Variants in NTNG2 observed in about 807,000 individuals in gnomAD.
NTNG2 encodes netrin-G2.
Under a neutral mutation model 47.6 loss-of-function variants are expected in NTNG2, and 15 were observed. That is an observed-to-expected ratio of 0.32 (90% CI 0.21 to 0.49). The LOEUF is 0.49. Ranked by LOEUF, NTNG2 falls within the 20% of genes least tolerant of loss-of-function variation. The pLI is 0.99. For missense variants in NTNG2, 578 were observed against 764.6 expected (o/e 0.76, Z 2.88); for synonymous variants, 307 against 324.6 (o/e 0.95, Z 0.58).
At chr9:132,241,740 C>G (rs1037385888) in intron 7 of NTNG2, 136 bp from the exon 8 acceptor site, 2 of 613,508 alleles carry the variant, frequency 3.3e-6, no homozygotes, top group Non-Finnish European at 5.4e-6. Flanking sequence ...CGTTTCGCAC[C>G]CAGCGCGCCT....
At chr9:132,169,353 G>A (rs1835725303) in intron 2 of NTNG2, among the ~76,000 whole-genome samples, 1 of 152,202 alleles carries the variant, frequency 6.6e-6, no homozygotes, top group Non-Finnish European at 1.5e-5. Flanking sequence ...GGCTTTTGGA[G>A]GGCTGGCTTT....
intron 4 of NTNG2, among the ~76,000 whole-genome samples, chr9:132,228,558 C>CT (rs56250915): frequency 0.84 from 121,538 of 145,168 alleles, 50,874 homozygotes; most frequent in South Asian, 0.91. Context: ...TCACACCCTC[C>CT]TTTTTTTTTT....
At chr9:132,179,677 T>C (rs973737809) in intron 2 of NTNG2, among the ~76,000 whole-genome samples, 3 of 152,208 alleles carry the variant, frequency 2.0e-5, no homozygotes, top group Admixed American at 1.3e-4. Context: ...AAGCACCCCA[T>C]GTGTGCAGCT....
At chr9:132,211,185 G>C (rs552119382) in intron 3 of NTNG2, among the ~76,000 whole-genome samples, 1 of 152,120 alleles carries the variant, frequency 6.6e-6, no homozygotes, top group Admixed American at 6.5e-5. Context: ...CTTCATGCTT[G>C]GGTTCCTGGA....
chr9:132,175,941 C>G (rs774875445), intron 2 of NTNG2, among the ~76,000 whole-genome samples: 8 of 152,170 alleles, frequency 5.3e-5, no homozygotes, highest in Non-Finnish European at 8.8e-5. Flanking sequence ...CCAGTGCAGA[C>G]AGAGGGGTCC....
At chr9:132,202,673 G>A (rs369479254) in intron 3 of NTNG2, among the ~76,000 whole-genome samples, 21 of 152,216 alleles carry the variant, frequency 1.4e-4, no homozygotes, top group East Asian at 9.6e-4. Context: ...GGAGCGGGAG[G>A]GGCCTCCGCC....
chr9:132,187,965 C>CT (rs1387161074), intron 2 of NTNG2, among the ~76,000 whole-genome samples: 1 of 152,244 alleles, frequency 6.6e-6, no homozygotes, highest in African/African-American at 2.4e-5. Flanking sequence ...GGGCAAGGCC[C>CT]TGGCCAAGGT....
intron 6 of NTNG2, 163 bp from the exon 7 acceptor site, chr9:132,240,747 A>T: frequency 1.0e-6 from 1 of 1,003,266 alleles, no homozygotes; most frequent in Non-Finnish European, 1.5e-6. Flanking sequence ...CCACCCTGGG[A>T]AGTCCCCACC....
chr9:132,231,201 G>C lies in NTNG2; in HGVS notation c.1054+606G>C. The C allele has an allele frequency of 2.4e-6, 1 of 415,864 alleles. No individual in the cohort carries two copies. Among genetic ancestry groups the C allele is most frequent in the Non-Finnish European group, 4.8e-6 (1 of 206,216 alleles). 25.8% of individuals were successfully genotyped at this position (415,864 alleles called of 1,614,324 possible). On this transcript the variant is annotated intron_variant, in intron 5 of 7. Transcript: ENST00000393229. The surrounding 1 kb of genome is among the most constrained non-coding windows in gnomAD (Gnocchi z 4.1). ...GGGGTCCTGAGAGTTCCCCAGGAGG[G>C]CGAGGGCGACATGGCGCCCACAGGT... is the stretch of plus-strand genomic sequence containing the variant.
In NTNG2 at chr9:132,244,371, G is replaced by C. The variant is rs969503148; in HGVS notation, c.*2260G>C. The C allele has an allele frequency of 6.6e-6, 1 of 152,244 alleles. No homozygotes were observed. The highest frequency in any genetic ancestry group is 2.4e-5 in the African/African-American group (1 of 41,432). The allele number at this position is 152,244 out of a possible 1,614,324, so 9.4% of individuals were successfully genotyped here. On this transcript the variant is annotated 3_prime_UTR_variant, in exon 8 of 8. Coordinates refer to ENST00000393229, the MANE Select transcript of NTNG2 (RefSeq NM_032536.4). ...TATCTACTTATTTTTATAGAGTTGA[G>C]GTCTCACTATGTTGCCCAGGCTGGT...
chr9:132,173,653 C>T (rs938433347), intron 2 of NTNG2, among the ~76,000 whole-genome samples: 7 of 151,904 alleles, frequency 4.6e-5, no homozygotes, highest in Admixed American at 2.6e-4. Context: ...GATGGACAGA[C>T]GAACGGACAG....
At chr9:132,216,414 CTGTGTGTGTGTGTATG>C (rs60698209) in intron 3 of NTNG2, among the ~76,000 whole-genome samples, 12,096 of 108,896 alleles carry the variant, frequency 0.11, 1,180 homozygotes, top group African/African-American at 0.24. Context: ...CTCTCTCTCT[CTGTGTGTGTGTGTATG>C]TGTGTGTGTG....
At chr9:132,206,312 A>G (rs559887256) in intron 3 of NTNG2, among the ~76,000 whole-genome samples, 1 of 152,282 alleles carries the variant, frequency 6.6e-6, no homozygotes, top group South Asian at 2.1e-4. Context: ...GGGGTCCATG[A>G]TCCCAAAATA....
intron 2 of NTNG2, among the ~76,000 whole-genome samples, chr9:132,188,512 T>G (rs536874321): frequency 2.0e-5 from 3 of 152,342 alleles, no homozygotes; most frequent in East Asian, 3.9e-4. Context: ...CCTGCGACAT[T>G]GCTCAGCCTC....
In NTNG2 at chr9:132,239,256, G is replaced by A; in HGVS notation, c.1207G>A (p.Glu403Lys). 6.2e-7 allele frequency: 1 copy of A among 1,613,568 alleles called. No homozygotes were observed. Among genetic ancestry groups the A allele is most frequent in the Non-Finnish European group, 8.5e-7 (1 of 1,180,012 alleles). Residue 403 changes from glutamate to lysine, a missense_variant, in exon 6 of 8, where the codon GAG (glutamate) becomes AAG (lysine). Transcript: ENST00000393229. ...YRNGSAELDD[E>K]NVCIECNCNQ... Reference sequence around the variant, plus strand: ...CAACGGCTCGGCAGAGCTGGATGATGAGAACGTCTGCATTGGTGAGAGGGC... The same window carrying A: ...CAACGGCTCGGCAGAGCTGGATGATAAGAACGTCTGCATTGGTGAGAGGGC...
intron 2 of NTNG2, among the ~76,000 whole-genome samples, chr9:132,170,939 C>T (rs965357941): frequency 6.6e-6 from 1 of 152,048 alleles, no homozygotes; most frequent in Non-Finnish European, 1.5e-5. Flanking sequence ...CTGCCGTTGA[C>T]GAAGGGGCCA....
In NTNG2 at chr9:132,163,075, GTC is replaced by G. The variant is rs1225238656; in HGVS notation, c.-484+838_-484+839del. 6.6e-6 allele frequency among the ~76,000 whole-genome samples: 1 copy of G among 152,200 alleles called. No homozygotes were observed. The highest frequency in any genetic ancestry group is 6.5e-5 in the Admixed American group (1 of 15,286). ...CCAGTTCCTGGGCGCCCTGCTCTGT[GTC>G]TTTTAATTAAGAGAGGCAGTGCCGA... On this transcript the variant is annotated intron_variant, in intron 1 of 7. Coordinates refer to ENST00000393229, the MANE Select transcript of NTNG2 (RefSeq NM_032536.4). This position sits in a 1 kb window ranked among gnomAD's most constrained non-coding sequence, Gnocchi z 7.2.
intron 2 of NTNG2, among the ~76,000 whole-genome samples, chr9:132,168,602 G>T (rs1208570871): frequency 6.6e-6 from 1 of 152,124 alleles, no homozygotes; most frequent in Admixed American, 6.5e-5. Flanking sequence ...CCAGGAGCTG[G>T]GGCTGGATAG....
chr9:132,229,650 G>A (rs1298537367), intron 4 of NTNG2, among the ~76,000 whole-genome samples: 20 of 152,210 alleles, frequency 1.3e-4, no homozygotes, highest in Admixed American at 1.3e-3. Flanking sequence ...GGTCTAGCAG[G>A]TGGCTGCCCA....
Sources: gnomAD v4.1 joint callset for allele counts (sites outside exome capture counted in the v4.1 genomes callset) on GRCh38, gnomAD v4.1.1 for gene constraint, Gnocchi (gnomAD v3.1) non-coding constraint, MANE v1.5 for transcripts, NCBI Gene and HGNC (gene_info 2026-07-23, HGNC 2026-07-21) for gene names.